The following ANKIB1 variants were observed in gnomAD, a reference collection of about 807,000 sequenced individuals.
The protein encoded by ANKIB1 is ankyrin repeat and IBR domain containing 1, also known as ankyrin repeat and IBR domain-containing protein 1.
In ANKIB1, 43 loss-of-function variants were observed where a neutral mutation model predicts 122.1. That is an observed-to-expected ratio of 0.35 (90% CI 0.28 to 0.45). ANKIB1 has a LOEUF of 0.45. ANKIB1 is among the 20% of genes least tolerant of loss of function. The pLI is 1.00. For missense variants in ANKIB1, 992 were observed against 1,329.5 expected (o/e 0.75, Z 3.95); for synonymous variants, 390 against 442.0 (o/e 0.88, Z 1.48).
chr7:92,276,275 G>A (rs1467598400), intron 1 of ANKIB1, among the ~76,000 whole-genome samples: 1 of 152,184 alleles, frequency 6.6e-6, no homozygotes, highest in Non-Finnish European at 1.5e-5. Context: ...CCAGCAATGA[G>A]TAATGACTTC....
At chr7:92,292,641 G>T (rs1293723924) in intron 1 of ANKIB1, among the ~76,000 whole-genome samples, 3 of 152,186 alleles carry the variant, frequency 2.0e-5, no homozygotes, top group Non-Finnish European at 4.4e-5. Context: ...TAGTATGGGA[G>T]AGAAGGATTT....
At chr7:92,252,460 C>A (rs1013980182) in intron 1 of ANKIB1, among the ~76,000 whole-genome samples, 1 of 146,600 alleles carries the variant, frequency 6.8e-6, no homozygotes, top group African/African-American at 2.6e-5. Flanking sequence ...GATCTTGGCT[C>A]ACTGCAACCT....
chr7:92,290,622 T>C (rs985954704), intron 1 of ANKIB1, among the ~76,000 whole-genome samples: 1 of 152,338 alleles, frequency 6.6e-6, no homozygotes, highest in East Asian at 1.9e-4. Context: ...AAAATACTTT[T>C]ATGGGAACAG....
chr7:92,344,193 GTTTTTTTTTTTTTTT>G (rs67933063), intron 6 of ANKIB1, among the ~76,000 whole-genome samples: 1 of 97,676 alleles, frequency 1.0e-5, no homozygotes, highest in Non-Finnish European at 2.0e-5. Flanking sequence ...TGTGTTTTTG[GTTTTTTTTTTTTTTT>G]TTTTTTTTTT....
intron 10 of ANKIB1, among the ~76,000 whole-genome samples, chr7:92,370,943 G>C (rs1414992754): frequency 6.6e-6 from 1 of 152,058 alleles, no homozygotes; most frequent in Non-Finnish European, 1.5e-5. Flanking sequence ...GAGAAAGAGG[G>C]TGTAATAAAT....
chr7:92,277,471 G>T (rs931215374), intron 1 of ANKIB1, among the ~76,000 whole-genome samples: 1 of 152,192 alleles, frequency 6.6e-6, no homozygotes, highest in Non-Finnish European at 1.5e-5. Flanking sequence ...TAGTCAGGCA[G>T]TCCCCAGTAT....
At position 92,384,329 on chromosome 7, in the gene ANKIB1, C is replaced by T. The variant is rs189844812; in HGVS notation, c.1618-2180C>T. Among the ~76,000 whole-genome samples, 7 of 152,268 alleles carry T rather than the reference C, an allele frequency of 4.6e-5. No individual in the cohort carries two copies. In the East Asian group the frequency reaches 1.3e-3, roughly 29 times the overall value. On this transcript the variant is annotated intron_variant, in intron 11 of 19. Coordinates refer to ENST00000265742, the MANE Select transcript of ANKIB1 (RefSeq NM_019004.2). The stretch of plus-strand genomic sequence containing the variant: ...TACTGCCCAAGGTAATTTATAAATT[C>T]AGTGCCATCCCCATCAAGCTACCAA...
chr7:92,343,152 A>G lies in ANKIB1; in HGVS notation c.916A>G (p.Arg306Gly), dbSNP rs1320422552. ...YNAWDTLPSP[R>G]TPRTTRSSVT... Reference sequence around the variant, plus strand: ...TGCCTGGGACACGCTCCCATCTCCAAGAACTCCAAGGACTACACGCTCTTC... The same window carrying G: ...TGCCTGGGACACGCTCCCATCTCCAGGAACTCCAAGGACTACACGCTCTTC... The change falls in exon 6 of 20, where the codon AGA becomes GGA. Residue 306 changes from arginine (R) to glycine (G), a missense_variant. Physicochemically the swap from Arg to Gly is moderately radical, Grantham distance 125. Coordinates refer to ENST00000265742, the MANE Select transcript of ANKIB1 (RefSeq NM_019004.2). The G allele has an allele frequency of 6.2e-7, 1 of 1,613,964 alleles. No homozygotes were observed. Among genetic ancestry groups the G allele is most frequent in the Admixed American group, 1.7e-5 (1 of 60,008 alleles).
rs573034604 is a variant in ANKIB1, at chr7:92,331,410, G to A, written c.787+3510G>A. ...AGCCTCCCGAGTAGCTGGGATTACA[G>A]GTGCACACCACCATGCCTGGCTAAT... On this transcript the variant is annotated intron_variant, in intron 5 of 19. Coordinates refer to ENST00000265742, the MANE Select transcript of ANKIB1 (RefSeq NM_019004.2). 5.3e-5 allele frequency among the ~76,000 whole-genome samples: 8 copies of A among 152,062 alleles called. No homozygotes were observed. In the East Asian group the frequency reaches 1.4e-3, roughly 26 times the overall value.
intron 1 of ANKIB1, among the ~76,000 whole-genome samples, chr7:92,288,671 A>T (rs1802186433): frequency 6.6e-6 from 1 of 152,232 alleles, no homozygotes; most frequent in African/African-American, 2.4e-5. Flanking sequence ...CTCAAATTCA[A>T]TAATATTTCA....
chr7:92,280,095 C>A (rs575342362), intron 1 of ANKIB1, among the ~76,000 whole-genome samples: 1 of 152,202 alleles, frequency 6.6e-6, no homozygotes, highest in African/African-American at 2.4e-5. Context: ...TCAGAGTGTT[C>A]TGCTCACCAG....
chr7:92,376,452 ATTTT>A (rs548431066), intron 11 of ANKIB1, among the ~76,000 whole-genome samples: 1 of 135,856 alleles, frequency 7.4e-6, no homozygotes. Flanking sequence ...TTTATTTTTT[ATTTT>A]TTTTTTTTTT....
chr7:92,256,375 G>A (rs1051394056), intron 1 of ANKIB1, among the ~76,000 whole-genome samples: 4 of 152,280 alleles, frequency 2.6e-5, no homozygotes, highest in African/African-American at 9.6e-5. Context: ...TCAGTTGGGG[G>A]TGGGATCTGG....
chr7:92,339,040 C>CT (rs1209380092), intron 5 of ANKIB1, among the ~76,000 whole-genome samples: 856 of 64,890 alleles, frequency 0.013, 79 homozygotes, highest in African/African-American at 0.046. Context: ...CTTGAATTTT[C>CT]TTTTTTTTTT....
intron 3 of ANKIB1, among the ~76,000 whole-genome samples, chr7:92,314,666 C>T (rs1185593328): frequency 6.6e-6 from 1 of 152,184 alleles, no homozygotes; most frequent in Non-Finnish European, 1.5e-5. Context: ...GTCCCCTCTC[C>T]ATATCTACCT....
At chr7:92,387,530 G>A (rs1804683697) in intron 12 of ANKIB1, among the ~76,000 whole-genome samples, 1 of 152,046 alleles carries the variant, frequency 6.6e-6, no homozygotes, top group South Asian at 2.1e-4. Context: ...CAGCTACTCA[G>A]GAGGCTGAGA....
At chr7:92,269,393 T>C (rs542825766) in intron 1 of ANKIB1, among the ~76,000 whole-genome samples, 17 of 152,340 alleles carry the variant, frequency 1.1e-4, no homozygotes, top group African/African-American at 4.1e-4. Flanking sequence ...GTCTTTGTAT[T>C]ATGTTGTGAT....
chr7:92,326,923 A>C (rs774106086), intron 4 of ANKIB1, among the ~76,000 whole-genome samples: 7 of 152,142 alleles, frequency 4.6e-5, no homozygotes, highest in Non-Finnish European at 8.8e-5. Context: ...TGATCCTCCT[A>C]CTTCTCAGCC....
intron 1 of ANKIB1, among the ~76,000 whole-genome samples, chr7:92,284,661 CTTCA>C (rs1010392312): frequency 7.9e-5 from 12 of 151,842 alleles, no homozygotes; most frequent in Admixed American, 2.6e-4. Flanking sequence ...ACCTTTCTTC[CTTCA>C]TTCATTCATT....
Sources: allele counts gnomAD v4.1 joint callset (sites outside exome capture counted in the v4.1 genomes callset), GRCh38; gene constraint gnomAD v4.1.1; transcripts MANE v1.5; gene names NCBI Gene and HGNC (gene_info 2026-07-23, HGNC 2026-07-21).